The following AMPH variants were observed in gnomAD, a reference collection of about 807,000 sequenced individuals.
The protein encoded by AMPH is amphiphysin (Stiff-Mann syndrome with breast cancer 128kD autoantigen).
AMPH carries 49 observed loss-of-function variants against 99.1 expected under a neutral mutation model. That is an observed-to-expected ratio of 0.49 (90% CI 0.39 to 0.63). AMPH has a LOEUF of 0.63. Among genes scored for constraint, AMPH ranks in the 20% least tolerant of loss-of-function variants. The probability of loss-of-function intolerance (pLI) is 0.00; values close to 1 mark genes in which losing one functional copy is unlikely to be tolerated. For synonymous variants in AMPH, 314 were observed against 317.3 expected (o/e 0.99, Z 0.11); for missense variants, 759 against 863.4 (o/e 0.88, Z 1.52).
intron 9 of AMPH, chr7:38,464,026 T>G (rs763505065): frequency 7.8e-7 from 1 of 1,281,056 alleles, no homozygotes; most frequent in Non-Finnish European, 1.0e-6. Flanking sequence ...CCAGCAATCA[T>G]GGCCTCAGAT....
chr7:38,477,515 G>A (rs1312629906), intron 5 of AMPH, among the ~76,000 whole-genome samples: 1 of 152,166 alleles, frequency 6.6e-6, no homozygotes, highest in Admixed American at 6.5e-5. Context: ...AAGACACAGG[G>A]CCAAAGGCAC....
At position 38,490,916 on chromosome 7, in the gene AMPH, G is replaced by C. The variant is rs573552545; in HGVS notation, c.396+134C>G. The C allele has an allele frequency of 1.4e-3, 832 of 581,732 alleles. 2 individuals carry two copies. The highest frequency in any genetic ancestry group is 1.0e-3 in the Non-Finnish European group (333 of 326,216). 36.0% of individuals were successfully genotyped at this position (581,732 alleles called of 1,614,324 possible). Reference sequence around the variant, plus strand: ...GATAGGAACAACATAAAAATCCCACGCTTAAATAAATGAAAAGTTACCAAC... The same window carrying C: ...GATAGGAACAACATAAAAATCCCACCCTTAAATAAATGAAAAGTTACCAAC... On this transcript the variant is annotated intron_variant, in intron 5 of 20. Transcript: ENST00000356264.
At chr7:38,407,369 G>A (rs1180380541) in intron 17 of AMPH, among the ~76,000 whole-genome samples, 2 of 139,050 alleles carry the variant, frequency 1.4e-5, no homozygotes, top group African/African-American at 5.2e-5. Context: ...CTATAAAAGT[G>A]AGAACACCAC....
At chr7:38,404,607 T>A (rs1248698689) in intron 17 of AMPH, among the ~76,000 whole-genome samples, 1 of 151,996 alleles carries the variant, frequency 6.6e-6, no homozygotes, top group Non-Finnish European at 1.5e-5. Context: ...CACAGCCATA[T>A]CCTCAAGGGA....
Position 38,432,319 on chromosome 7 carries a change from G to T in AMPH, c.1135-107C>A, listed in dbSNP as rs918659443. ...ATCATAAGCATTTTTTAAGCATTTT[G>T]TACAGTACTGTTCAATAAAACTTTT... On this transcript the variant is annotated intron_variant, in intron 12 of 20. Transcript: ENST00000356264. 4.4e-5 allele frequency: 44 copies of T among 1,008,242 alleles called. No homozygotes were observed. In the South Asian group the frequency reaches 5.3e-4, roughly 12 times the overall value. The allele number at this position is 1,008,242 out of a possible 1,614,324, so 62.5% of individuals were successfully genotyped here.
chr7:38,519,270 T>C (rs918805303), intron 2 of AMPH, among the ~76,000 whole-genome samples: 6 of 152,234 alleles, frequency 3.9e-5, no homozygotes, highest in Admixed American at 2.0e-4. Context: ...ACAGCATCTC[T>C]AGGTAAACTT....
At chr7:38,543,710 G>A (rs1790894733) in intron 1 of AMPH, among the ~76,000 whole-genome samples, 1 of 152,084 alleles carries the variant, frequency 6.6e-6, no homozygotes, top group Non-Finnish European at 1.5e-5. Flanking sequence ...GTTTATGTAA[G>A]GCTAGGATTT....
chr7:38,447,389 T>C (rs1786829030), intron 11 of AMPH, among the ~76,000 whole-genome samples: 2 of 152,220 alleles, frequency 1.3e-5, no homozygotes, highest in African/African-American at 4.8e-5. Context: ...TGAGTTTTGC[T>C]GGGGAATAGA....
At chr7:38,502,478 C>T (rs1789173320) in intron 3 of AMPH, among the ~76,000 whole-genome samples, 1 of 151,990 alleles carries the variant, frequency 6.6e-6, no homozygotes, top group Non-Finnish European at 1.5e-5. Flanking sequence ...ACAAGGAACA[C>T]CTGAGCCCTG....
intron 3 of AMPH, among the ~76,000 whole-genome samples, chr7:38,498,875 A>G (rs774890704): frequency 3.0e-4 from 45 of 152,178 alleles, no homozygotes; most frequent in Non-Finnish European, 5.4e-4. Flanking sequence ...TGTTTCATCC[A>G]GCTCAGTTTT....
rs1491382581 is a variant in AMPH at position 38,570,998 on chromosome 7, T to TG, written c.70-35988_70-35987insC. Among the ~76,000 whole-genome samples the TG allele has an allele frequency of 9.2e-4, 7 of 7,640 alleles. 2 individuals carry two copies. Among genetic ancestry groups the TG allele is most frequent in the East Asian group, 7.1e-3 (7 of 986 alleles). 5.0% of individuals were successfully genotyped at this position (7,640 alleles called of 152,430 possible). ...ATATATATATTCAATATATATATAT[T>TG]CATATATATAGAATATATATATTCA... On this transcript the variant is annotated intron_variant, in intron 1 of 20. Transcript: ENST00000356264.
intron 1 of AMPH, among the ~76,000 whole-genome samples, chr7:38,590,754 C>T (rs1039929806): frequency 1.3e-5 from 2 of 152,162 alleles, no homozygotes; most frequent in Non-Finnish European, 2.9e-5. Context: ...AATTCCTAGT[C>T]AGCCTAGGAA....
intron 15 of AMPH, among the ~76,000 whole-genome samples, chr7:38,425,864 C>T (rs1477711488): frequency 6.6e-6 from 1 of 152,002 alleles, no homozygotes; most frequent in East Asian, 1.9e-4. Flanking sequence ...AAATAAAAGC[C>T]CTTATAAAAG....
At chr7:38,529,194 C>T (rs907880188) in intron 2 of AMPH, among the ~76,000 whole-genome samples, 6 of 152,178 alleles carry the variant, frequency 3.9e-5, no homozygotes, top group African/African-American at 1.4e-4. Flanking sequence ...TTGATTTGAT[C>T]TATGCAGATC....
At chr7:38,412,639 T>G (rs1489983899) in intron 17 of AMPH, among the ~76,000 whole-genome samples, 1 of 152,222 alleles carries the variant, frequency 6.6e-6, no homozygotes, top group African/African-American at 2.4e-5. Flanking sequence ...CTTGGCTAAT[T>G]TTATCTCTTC....
intron 11 of AMPH, among the ~76,000 whole-genome samples, chr7:38,445,487 T>C (rs1445786457): frequency 6.6e-6 from 1 of 152,282 alleles, no homozygotes; most frequent in Non-Finnish European, 1.5e-5. Context: ...GAAAGCCACA[T>C]GCTGGGAGAC....
chr7:38,402,864 C>A (rs929152071), intron 17 of AMPH, among the ~76,000 whole-genome samples: 1 of 152,090 alleles, frequency 6.6e-6, no homozygotes, highest in Admixed American at 6.5e-5. Flanking sequence ...TGTTGACTTT[C>A]TTTTTCTATA....
At position 38,614,620 on chromosome 7, in the gene AMPH, G is replaced by T. The variant is rs116751920; in HGVS notation, c.69+16663C>A. Among the ~76,000 whole-genome samples the T allele has an allele frequency of 2.5e-3, 378 of 152,256 alleles. 3 individuals are homozygous for T. Among genetic ancestry groups the T allele is most frequent in the African/African-American group, 8.7e-3 (363 of 41,536 alleles). On this transcript the variant is annotated intron_variant, in intron 1 of 20. Coordinates refer to ENST00000356264, the MANE Select transcript of AMPH (RefSeq NM_001635.4). Reference sequence around the variant, plus strand: ...ATTTGGAGGCACATCTTTATTTCTGGTGTTCAACTTAAGATGAGCTGTAAA... The same window carrying T: ...ATTTGGAGGCACATCTTTATTTCTGTTGTTCAACTTAAGATGAGCTGTAAA...
intron 13 of AMPH, among the ~76,000 whole-genome samples, chr7:38,431,889 C>A (rs1786043295): frequency 6.6e-6 from 1 of 152,136 alleles, no homozygotes; most frequent in African/African-American, 2.4e-5. Flanking sequence ...TCCTTCACTG[C>A]AACAGCTCCT....
Sources: gnomAD v4.1 joint callset for allele counts (sites outside exome capture counted in the v4.1 genomes callset) on GRCh38, gnomAD v4.1.1 for gene constraint, MANE v1.5 for transcripts, NCBI Gene and HGNC (gene_info 2026-07-23, HGNC 2026-07-21) for gene names.